YIF1B: variants seen among roughly 807,000 people sequenced by gnomAD.
The protein encoded by YIF1B is protein YIF1B.
A neutral mutation model predicts 34.6 loss-of-function variants in YIF1B; 24 were observed. The ratio of observed to expected loss-of-function variants is 0.69; its 90% CI spans 0.50 to 0.98. The LOEUF (loss-of-function observed/expected upper bound fraction) is 0.98. YIF1B is among the 50% of genes least tolerant of loss of function. The pLI is 0.00. For missense variants in YIF1B, 368 were observed against 429.4 expected, an observed-to-expected ratio of 0.86 and a Z score of 1.26; for synonymous variants, 186 against 184.8, an observed-to-expected ratio of 1.01 and a Z score of -0.05.
At chr19:38,315,710 C>T (rs1969519707) in intron 1 of YIF1B, 150 bp downstream of exon 1, 3 of 1,608,942 alleles carry the variant, frequency 1.9e-6, no homozygotes, top group East Asian at 2.2e-5. Flanking sequence ...CCCAAGGGGC[C>T]TCCTACCCGA....
chr19:38,320,769 G>C (rs931240383), upstream of YIF1B, among the ~76,000 whole-genome samples: 3 of 152,028 alleles, frequency 2.0e-5, no homozygotes, highest in Non-Finnish European at 4.4e-5. Flanking sequence ...ATGTTGGCCA[G>C]GCTGGTCCCA....
chr19:38,316,388 CT>C (rs1382165406), upstream of YIF1B, among the ~76,000 whole-genome samples: 2 of 151,800 alleles, frequency 1.3e-5, no homozygotes, highest in Admixed American at 6.6e-5. Context: ...GGCTCAGTGG[CT>C]TAACGCCTGT....
In YIF1B at chr19:38,309,405, G is replaced by A. The variant is rs146732500; in HGVS notation, c.297C>T (p.Asn99=). 7.0e-5 allele frequency: 113 copies of A among 1,612,532 alleles called. No individual in the cohort carries two copies. The highest frequency in any genetic ancestry group is 8.7e-5 in the Non-Finnish European group (103 of 1,179,046). ...ACTCCCACCAGCCCCGCCCACTCAC[G>A]TTCTTATCCACCAGCTCCTTGCCCT... ...AAQGKELVDK[N]IDRFIPITKL... The change falls in exon 2 of 8, where the codon AAC becomes AAT. Residue 99 remains asparagine, a splice_region_variant and synonymous_variant. Transcript: ENST00000339413.
At chr19:38,309,130 C>G in intron 3 of YIF1B, 73 bp from the exon 4 acceptor site, 1 of 1,566,386 alleles carries the variant, frequency 6.4e-7, no homozygotes, top group Non-Finnish European at 8.7e-7. Flanking sequence ...CCTCCTCCCT[C>G]GAGGCGAATC....
chr19:38,304,255 T>C lies in YIF1B; in HGVS notation c.*1097A>G, dbSNP rs2304176. ...CTTGGCCTTAGGACCCAACTTCTCTTACCGCCATGGAGTTCGACCTGGGAG... is the reference window on the plus strand; with the variant it reads ...CTTGGCCTTAGGACCCAACTTCTCTCACCGCCATGGAGTTCGACCTGGGAG... On this transcript the variant is annotated 3_prime_UTR_variant, in exon 8 of 8. Transcript: ENST00000339413. The C allele has an allele frequency of 0.25, 407,880 of 1,613,102 alleles. 55,235 individuals are homozygous for C. Among genetic ancestry groups the C allele is most frequent in the East Asian group, 0.47 (21,248 of 44,844 alleles).
upstream of YIF1B, among the ~76,000 whole-genome samples, chr19:38,316,234 C>T (rs144290518): frequency 4.3e-3 from 658 of 152,264 alleles, 6 homozygotes; most frequent in African/African-American, 0.015. Context: ...TGCCCCTTGC[C>T]GGGGCTCACG....
chr19:38,320,536 G>A (rs1424423873), upstream of YIF1B, among the ~76,000 whole-genome samples: 1 of 151,116 alleles, frequency 6.6e-6, no homozygotes, highest in East Asian at 1.9e-4. Context: ...CTGGGACCCC[G>A]TTCCTCGGTC....
At position 38,309,061 on chromosome 19, in the gene YIF1B, C is replaced by T. The variant is rs111424656; in HGVS notation, c.403-4G>A. Reference sequence around the variant, plus strand: ...GTTGGTACTGCACTTCCCAGTCCTGCGGGGATGGGGAGACGGGCAGGACCC... The same window carrying T: ...GTTGGTACTGCACTTCCCAGTCCTGTGGGGATGGGGAGACGGGCAGGACCC... On this transcript the variant is annotated splice_region_variant and splice_polypyrimidine_tract_variant and intron_variant, in intron 3 of 7. Coordinates refer to ENST00000339413, the MANE Select transcript of YIF1B (RefSeq NM_001039672.3). 51 of 1,552,512 alleles carry T rather than the reference C, an allele frequency of 3.3e-5. No homozygotes were observed. In the African/African-American group the frequency reaches 4.6e-4, roughly 14 times the overall value.
chr19:38,308,965 G>C lies in YIF1B; in HGVS notation c.481+14C>G, dbSNP rs746819966. ...GAAGAGAGAGGAGGGTGCAGGGTAG[G>C]GGGAGGGTGAAACCTGGAATGTAGA... On this transcript the variant is annotated intron_variant, in intron 4 of 7. Transcript: ENST00000339413. 6.8e-6 allele frequency: 11 copies of C among 1,607,912 alleles called. No homozygotes were observed. Among genetic ancestry groups the C allele is most frequent in the Admixed American group, 1.7e-5 (1 of 59,338 alleles).
intron 1 of YIF1B, among the ~76,000 whole-genome samples, chr19:38,312,383 C>G (rs1474221420): frequency 6.6e-6 from 1 of 152,084 alleles, no homozygotes; most frequent in Non-Finnish European, 1.5e-5. Context: ...CCACTGCACT[C>G]CAGCCTGGGC....
rs1236963252 is a variant in YIF1B, at chr19:38,304,405, T to TG, written c.*946dup. The TG allele has an allele frequency of 6.4e-7, 1 of 1,570,530 alleles. No individual in the cohort carries two copies. Among genetic ancestry groups the TG allele is most frequent in the South Asian group, 1.2e-5 (1 of 86,072 alleles). On this transcript the variant is annotated 3_prime_UTR_variant, in exon 8 of 8. Transcript: ENST00000339413. ...GAGCCCACCTCCCAGAAGCCCGGTG[T>TG]GGGGGCGGGCCACGGGGGAGATCCC...
chr19:38,308,654 G>A (rs908119562), intron 5 of YIF1B, 138 bp downstream of exon 5: 6 of 983,574 alleles, frequency 6.1e-6, no homozygotes, highest in African/African-American at 4.8e-5. Flanking sequence ...GTGACCCTGA[G>A]GGCTGTATCT....
chr19:38,320,022 G>C (rs923496842), upstream of YIF1B: 1 of 1,492,346 alleles, frequency 6.7e-7, no homozygotes, highest in Non-Finnish European at 8.8e-7. Flanking sequence ...GCGCGCTGTT[G>C]GTGGCGCGGC....
rs1968948045 is a variant in YIF1B at position 38,305,182 on chromosome 19, G to A, written c.*170C>T. 7.2e-7 allele frequency: 1 copy of A among 1,384,320 alleles called. No individual in the cohort carries two copies. Among genetic ancestry groups the A allele is most frequent in the Non-Finnish European group, 9.6e-7 (1 of 1,043,318 alleles). 85.8% of individuals were successfully genotyped at this position (1,384,320 alleles called of 1,614,324 possible). On this transcript the variant is annotated 3_prime_UTR_variant, in exon 8 of 8. Coordinates refer to ENST00000339413, the MANE Select transcript of YIF1B (RefSeq NM_001039672.3). ...CCCTGGGGCGGTGGCCTGTGCAGCT[G>A]GAGATCTCTCAGCACCTTGGGTTGG...
intron 1 of YIF1B, among the ~76,000 whole-genome samples, chr19:38,314,192 A>ATT (rs544115864): frequency 8.6e-5 from 11 of 127,240 alleles, no homozygotes; most frequent in Admixed American, 2.4e-4. Context: ...CGCCCGGCTA[A>ATT]TTTTTTTTTT....
chr19:38,319,905 C>G, upstream of YIF1B: 3 of 1,368,592 alleles, frequency 2.2e-6, no homozygotes, highest in Non-Finnish European at 2.8e-6. Context: ...AGGCGGGGGC[C>G]ACGTCAGCGG....
intron 7 of YIF1B, 94 bp downstream of exon 7, chr19:38,307,334 G>A: frequency 7.2e-7 from 1 of 1,385,498 alleles, no homozygotes; most frequent in South Asian, 1.2e-5. Flanking sequence ...ATGTGTCTCT[G>A]GTCTGAACCC....
chr19:38,308,760 A>G (rs757762234), intron 5 of YIF1B, 32 bp downstream of exon 5: 1 of 1,613,532 alleles, frequency 6.2e-7, no homozygotes, highest in Non-Finnish European at 8.5e-7. Flanking sequence ...CCCAAACCCC[A>G]CCTTATTCGG....
chr19:38,305,336 G>C lies in YIF1B; in HGVS notation c.*16C>G. 6.3e-7 allele frequency: 1 copy of C among 1,596,472 alleles called. No homozygotes were observed. Among genetic ancestry groups the C allele is most frequent in the Non-Finnish European group, 8.6e-7 (1 of 1,168,560 alleles). ...CCCAGCAGCAGCAGCAGCAGCGGGA[G>C]GTTCAGCGGGCGCGCTCACCGCACC... On this transcript the variant is annotated 3_prime_UTR_variant, in exon 8 of 8. Transcript: ENST00000339413.
Sources: gnomAD v4.1 joint callset for allele counts (sites outside exome capture counted in the v4.1 genomes callset) on GRCh38, gnomAD v4.1.1 for gene constraint, MANE v1.5 for transcripts, NCBI Gene and HGNC (gene_info 2026-07-23, HGNC 2026-07-21) for gene names.